The following ARHGEF17 variants were observed in gnomAD, a reference collection of about 807,000 sequenced individuals.
ARHGEF17 encodes the protein Rho guanine nucleotide exchange factor 17, also known as 164 kDa Rho-specific guanine-nucleotide exchange factor.
ARHGEF17 carries 80 observed loss-of-function variants against 174.0 expected under a neutral mutation model. That is an observed-to-expected ratio of 0.46 (90% confidence interval 0.38 to 0.55). The LOEUF is 0.55. Ranked by LOEUF, ARHGEF17 falls within the 20% of genes least tolerant of loss-of-function variation. ARHGEF17 has a pLI of 0.00. For missense variants in ARHGEF17, 2,886 were observed against 2,839.7 expected (o/e 1.02, Z -0.37); for synonymous variants, 1,311 against 1,189.1 (o/e 1.10, Z -2.11).
chr11:73,325,711 G>A (rs752071330), intron 1 of ARHGEF17, among the ~76,000 whole-genome samples: 2 of 152,286 alleles, frequency 1.3e-5, no homozygotes, highest in Non-Finnish European at 2.9e-5. Flanking sequence ...GCAGCCAGAT[G>A]TCAACAAGTA....
At position 73,310,356 on chromosome 11, in the gene ARHGEF17, T is replaced by C. The variant is rs776553502; in HGVS notation, c.1718T>C (p.Leu573Pro). Residue 573 changes from leucine (L) to proline (P), a missense_variant, in exon 1 of 21, where the codon CTC (leucine) becomes CCC (proline). By Grantham distance (98) the Leu-to-Pro change is moderately conservative. This residue lies in a region of ARHGEF17 where 1,728 missense variants were observed against 1,461.2 expected (regional missense o/e 1.18). Transcript: ENST00000263674. ...ALKSSSSELLLTGPGAEEDPL... is the reference protein window; with the variant it reads ...ALKSSSSELLPTGPGAEEDPL... ...AAGTCCAGCTCCTCCGAGCTCCTGCTCACAGGCCCTGGTGCCGAGGAGGAT... is the reference window on the plus strand; with the variant it reads ...AAGTCCAGCTCCTCCGAGCTCCTGCCCACAGGCCCTGGTGCCGAGGAGGAT... The C allele has an allele frequency of 1.2e-6, 2 of 1,613,840 alleles. No individual in the cohort carries two copies. Among genetic ancestry groups the C allele is most frequent in the South Asian group, 2.2e-5 (2 of 91,088 alleles).
Position 73,309,774 on chromosome 11 carries a change from C to A in ARHGEF17, c.1136C>A (p.Ser379Ter). Residue 379 changes from serine (S) to a stop codon, truncating the protein, a stop_gained, in exon 1 of 21, where the codon TCG becomes TAG. Coordinates refer to ENST00000263674, the MANE Select transcript of ARHGEF17 (RefSeq NM_014786.4). LOFTEE classifies it high-confidence loss of function. ...AFRVAKVSFP[S>*]YLASPAGSRG... ...CGTGTGGCCAAGGTGAGCTTTCCCT[C>A]GTACCTGGCCAGCCCCGCAGGCTCC... is the stretch of plus-strand genomic sequence containing the variant. 6.2e-7 allele frequency: 1 copy of A among 1,613,016 alleles called. No individual in the cohort carries two copies. The highest frequency in any genetic ancestry group is 1.1e-5 in the South Asian group (1 of 91,088).
rs1287276018 is a variant in ARHGEF17, at chr11:73,308,859, C to T, written c.221C>T (p.Pro74Leu). Residue 74 changes from proline to leucine, a missense_variant, in exon 1 of 21, where the codon CCG (proline) becomes CTG (leucine). Around this residue, in one of 4 missense-constraint regions of ARHGEF17, gnomAD observed 1,728 missense variants for 1,461.2 expected, o/e 1.18. Coordinates refer to ENST00000263674, the MANE Select transcript of ARHGEF17 (RefSeq NM_014786.4). ...CTGGCCGCCCCCGCGCAGCCGCGCC[C>T]GCTCCGCAGCCTCTCGCCGTCGGTT... ...GPLAAPAQPR[P>L]LRSLSPSVRQ... 1.5e-6 allele frequency: 2 copies of T among 1,345,904 alleles called. No individual in the cohort carries two copies. Among genetic ancestry groups the T allele is most frequent in the Non-Finnish European group, 1.9e-6 (2 of 1,055,764 alleles). The allele number at this position is 1,345,904 out of a possible 1,614,324, so 83.4% of individuals were successfully genotyped here.
chr11:73,356,032 C>A (rs1054205042), intron 5 of ARHGEF17, 79 bp downstream of exon 5: 6 of 1,590,124 alleles, frequency 3.8e-6, no homozygotes, highest in Non-Finnish European at 5.2e-6. Context: ...GCCCCTGCCT[C>A]GTTGAGCCTG....
chr11:73,343,921 C>T (rs1865417647), intron 1 of ARHGEF17, among the ~76,000 whole-genome samples: 2 of 152,280 alleles, frequency 1.3e-5, no homozygotes, highest in Non-Finnish European at 2.9e-5. Context: ...TTCTCAGCTG[C>T]GTGACCTGGC....
intron 1 of ARHGEF17, among the ~76,000 whole-genome samples, chr11:73,343,527 G>A (rs1359524412): frequency 1.3e-5 from 2 of 152,144 alleles, no homozygotes; most frequent in Non-Finnish European, 2.9e-5. Flanking sequence ...TGAGGCTGTC[G>A]CCAGTGTTAT....
At position 73,367,993 on chromosome 11, in the gene ARHGEF17, G is replaced by C; in HGVS notation, c.*213G>C. ...CTCCCGACCCTCTGGCTGCCCCGGT[G>C]CTTCCAGTCATGATCGGGTGGGGGA... On this transcript the variant is annotated 3_prime_UTR_variant, in exon 21 of 21. Transcript: ENST00000263674. 1.8e-6 allele frequency: 1 copy of C among 541,072 alleles called. No individual in the cohort carries two copies. Among genetic ancestry groups the C allele is most frequent in the Non-Finnish European group, 3.3e-6 (1 of 305,826 alleles). The allele number at this position is 541,072 out of a possible 1,614,324, so 33.5% of individuals were successfully genotyped here. A position where few individuals can be genotyped will look rare whatever the true frequency, so the allele number is the denominator to read the frequency against.
intron 1 of ARHGEF17, among the ~76,000 whole-genome samples, chr11:73,340,279 A>G (rs1244534186): frequency 6.6e-6 from 1 of 152,222 alleles, no homozygotes; most frequent in African/African-American, 2.4e-5. Flanking sequence ...ATGAAGCAGC[A>G]GCAGCAAGCA....
chr11:73,360,508 C>T lies in ARHGEF17; in HGVS notation c.4395C>T (p.Ala1465=), dbSNP rs191390642. ...HPDARLGFEQ[A]FDEAKRKLAS... is the part of the protein sequence containing the mutation. ...ACGCCCGCCTTGGTTTTGAACAGGC[C>T]TTCGATGAGGCCAAGAGGAAGCTGG... Residue 1465 remains alanine (A), a synonymous_variant, in exon 11 of 21, where the codon GCC becomes GCT. Transcript: ENST00000263674. 96 of 1,613,948 alleles carry T rather than the reference C, an allele frequency of 5.9e-5. 1 individual carries two copies. The East Asian group carries it at 2.1e-3, about 35-fold the overall frequency.
At chr11:73,331,068 C>T (rs1242270428) in intron 1 of ARHGEF17, among the ~76,000 whole-genome samples, 1 of 152,102 alleles carries the variant, frequency 6.6e-6, no homozygotes, top group Admixed American at 6.5e-5. Context: ...TTCTCCCTAC[C>T]GTGAGGCAGG....
intron 13 of ARHGEF17, 92 bp downstream of exon 13, chr11:73,362,331 T>G (rs1007881065): frequency 6.9e-7 from 1 of 1,445,468 alleles, no homozygotes; most frequent in Non-Finnish European, 9.1e-7. Flanking sequence ...GGCGTGGTTG[T>G]GGGCGGGGCC....
At chr11:73,348,243 A>G (rs1237792864) in intron 2 of ARHGEF17, among the ~76,000 whole-genome samples, 1 of 152,168 alleles carries the variant, frequency 6.6e-6, no homozygotes, top group Non-Finnish European at 1.5e-5. Context: ...CACTCACTCC[A>G]CAAATCCACG....
At position 73,367,897 on chromosome 11, in the gene ARHGEF17, G is replaced by C; in HGVS notation, c.*117G>C. 1 of 1,117,378 alleles carries C rather than the reference G, an allele frequency of 8.9e-7. No homozygotes were observed. Among genetic ancestry groups the C allele is most frequent in the Non-Finnish European group, 1.3e-6 (1 of 796,954 alleles). The allele number at this position is 1,117,378 out of a possible 1,614,324, so 69.2% of individuals were successfully genotyped here. On this transcript the variant is annotated 3_prime_UTR_variant, in exon 21 of 21. Coordinates refer to ENST00000263674, the MANE Select transcript of ARHGEF17 (RefSeq NM_014786.4). ...TCCAGCCAGGGGCACACATGTGCCT[G>C]CGTGGGCTCTGCCTTGTCTTCGCGG...
intron 1 of ARHGEF17, among the ~76,000 whole-genome samples, chr11:73,333,296 G>C (rs1397736907): frequency 1.3e-5 from 2 of 152,242 alleles, no homozygotes; most frequent in East Asian, 3.9e-4. Flanking sequence ...GGCCTCAGGA[G>C]AGTATACCCT....
rs183008838 is a variant in ARHGEF17, at chr11:73,321,016, T to C, written c.3192+9186T>C. The stretch of plus-strand genomic sequence containing the variant: ...AGAGGGCTTGGCACACAGTAAGTGC[T>C]CAAGAAATGTTACCTCCTCCCCTCA... On this transcript the variant is annotated intron_variant, in intron 1 of 20. Coordinates refer to ENST00000263674, the MANE Select transcript of ARHGEF17 (RefSeq NM_014786.4). Among the ~76,000 whole-genome samples, 106 of 152,302 alleles carry C rather than the reference T, an allele frequency of 7.0e-4. 1 individual carries two copies. Among genetic ancestry groups the C allele is most frequent in the Non-Finnish European group, 5.9e-5 (4 of 68,030 alleles).
intron 3 of ARHGEF17, among the ~76,000 whole-genome samples, chr11:73,353,951 T>C (rs1411076728): frequency 6.6e-6 from 1 of 152,226 alleles, no homozygotes; most frequent in Non-Finnish European, 1.5e-5. Context: ...TACACCATGA[T>C]GACTGATAAA....
rs1309719307 is a variant in ARHGEF17 at position 73,355,969 on chromosome 11, G to GGTGGGCAA, written c.3663+26_3663+33dup. The GGTGGGCAA allele has an allele frequency of 1.2e-6, 2 of 1,613,908 alleles. No homozygotes were observed. Among genetic ancestry groups the GGTGGGCAA allele is most frequent in the African/African-American group, 2.7e-5 (2 of 74,930 alleles). ...TCTGGTGAAGGTGGGCATGGACCTGGGTGGGCAAGTGGGCAAGGCCTGGAA... is the reference window on the plus strand; with the variant it reads ...TCTGGTGAAGGTGGGCATGGACCTGGGTGGGCAAGTGGGCAAGTGGGCAAGGCCTGGAA... On this transcript the variant is annotated intron_variant, in intron 5 of 20. Transcript: ENST00000263674.
intron 1 of ARHGEF17, among the ~76,000 whole-genome samples, chr11:73,316,951 TG>T (rs1864938228): frequency 6.6e-6 from 1 of 152,032 alleles, no homozygotes; most frequent in African/African-American, 2.4e-5. Flanking sequence ...GGTGGAGTGG[TG>T]GGTTTCTGCT....
In ARHGEF17 at chr11:73,354,245, C is replaced by T. The variant is rs147371502; in HGVS notation, c.3453+1233C>T. On this transcript the variant is annotated intron_variant, in intron 3 of 20. Transcript: ENST00000263674. ...CACTCTCAGTGTCAGTAAGCTCAGCCCCCTGCCTGGACCTTGATGCTGACC... is the reference window on the plus strand; with the variant it reads ...CACTCTCAGTGTCAGTAAGCTCAGCTCCCTGCCTGGACCTTGATGCTGACC... 2.9e-3 allele frequency among the ~76,000 whole-genome samples: 439 copies of T among 152,292 alleles called. 3 individuals carry two copies. The highest frequency in any genetic ancestry group is 0.01 in the African/African-American group (418 of 41,554).
Sources: allele counts gnomAD v4.1 joint callset (sites outside exome capture counted in the v4.1 genomes callset), GRCh38; gene constraint gnomAD v4.1.1; regional missense constraint gnomAD v4.1.1; transcripts MANE v1.5; gene names NCBI Gene and HGNC (gene_info 2026-07-23, HGNC 2026-07-21).